The following SLC17A8 variants were observed in gnomAD, a reference collection of about 807,000 sequenced individuals.
SLC17A8 encodes solute carrier family 17 member 8.
SLC17A8 carries 31 observed loss-of-function variants against 58.0 expected under a neutral mutation model. The observed-to-expected ratio is 0.53, with a 90% CI of 0.40 to 0.72. SLC17A8 has a LOEUF of 0.72. Ranked by LOEUF, SLC17A8 falls within the 30% of genes least tolerant of loss-of-function variation. SLC17A8 has a pLI of 0.00. For synonymous variants in SLC17A8, 228 were observed against 249.0 expected, an observed-to-expected ratio of 0.92 and a Z score of 0.79; for missense variants, 655 against 727.8, an observed-to-expected ratio of 0.90 and a Z score of 1.15.
intron 2 of SLC17A8, among the ~76,000 whole-genome samples, chr12:100,382,731 C>T (rs1952646358): frequency 6.6e-6 from 1 of 152,152 alleles, no homozygotes; most frequent in Non-Finnish European, 1.5e-5. Context: ...ACGTGGTAGG[C>T]AATATTTTCT....
chr12:100,374,907 C>T (rs1211026066), intron 1 of SLC17A8, among the ~76,000 whole-genome samples: 1 of 152,038 alleles, frequency 6.6e-6, no homozygotes, highest in Non-Finnish European at 1.5e-5. Context: ...CTGTGAGGGG[C>T]TGGCTTCAGG....
In SLC17A8 at chr12:100,403,975, G is replaced by A. The variant is rs1952808860; in HGVS notation, c.1054-63G>A. 4.4e-6 allele frequency: 7 copies of A among 1,601,030 alleles called. No homozygotes were observed. In the South Asian group the frequency reaches 7.7e-5, roughly 18 times the overall value. On this transcript the variant is annotated intron_variant, in intron 8 of 11. Transcript: ENST00000323346. ...GGCTGTGGAGTGGAGGTGGGCAAGGGAATTAGGGAGGCCCCTCTCTCAGAA... is the reference window on the plus strand; with the variant it reads ...GGCTGTGGAGTGGAGGTGGGCAAGGAAATTAGGGAGGCCCCTCTCTCAGAA...
chr12:100,396,459 T>A lies in SLC17A8; in HGVS notation c.676+42T>A, dbSNP rs959393397. Reference sequence around the variant, plus strand: ...CGTAACAAATTTTATTTATGAATGCTTTTTTTGGGTTCATGCAGTGGCTCA... The same window carrying A: ...CGTAACAAATTTTATTTATGAATGCATTTTTTGGGTTCATGCAGTGGCTCA... On this transcript the variant is annotated intron_variant, in intron 5 of 11. Transcript: ENST00000323346. The A allele has an allele frequency of 5.9e-6, 9 of 1,519,248 alleles. No homozygotes were observed. In the Admixed American group the frequency reaches 8.5e-5, roughly 14 times the overall value. 94.1% of individuals were successfully genotyped at this position (1,519,248 alleles called of 1,614,324 possible). A position where few individuals can be genotyped will look rare whatever the true frequency, so the allele number is the denominator to read the frequency against.
chr12:100,366,707 T>A (rs1952523090), intron 1 of SLC17A8, among the ~76,000 whole-genome samples: 1 of 152,216 alleles, frequency 6.6e-6, no homozygotes, highest in African/African-American at 2.4e-5. Flanking sequence ...CAAGAGAGTG[T>A]GACTTTCCAC....
chr12:100,372,768 T>C (rs920199053), intron 1 of SLC17A8, among the ~76,000 whole-genome samples: 8 of 152,188 alleles, frequency 5.3e-5, no homozygotes, highest in African/African-American at 1.7e-4. Context: ...TCTCTCTATA[T>C]TGCCCATGCT....
chr12:100,407,585 T>C (rs1173350257), intron 9 of SLC17A8, among the ~76,000 whole-genome samples: 1 of 147,382 alleles, frequency 6.8e-6, no homozygotes, highest in Non-Finnish European at 1.5e-5. Context: ...TATATATATA[T>C]ATTTTTTTTG....
chr12:100,370,294 TA>T (rs1952550221), intron 1 of SLC17A8, among the ~76,000 whole-genome samples: 1 of 151,860 alleles, frequency 6.6e-6, no homozygotes, highest in Admixed American at 6.6e-5. Context: ...ATTTATTTTT[TA>T]TTTTTTATTT....
intron 6 of SLC17A8, 24 bp downstream of exon 6, chr12:100,401,887 TCACATGTGAC>T: frequency 3.8e-6 from 6 of 1,562,274 alleles, no homozygotes; most frequent in Non-Finnish European, 5.3e-6. Context: ...CTTCACAAGT[TCACATGTGAC>T]TCATAGAGAT....
rs549203678 is a variant in SLC17A8, at chr12:100,363,507, C to T, written c.101+6015C>T. Among the ~76,000 whole-genome samples, 28 of 152,148 alleles carry T rather than the reference C, an allele frequency of 1.8e-4. No individual in the cohort carries two copies. In the South Asian group the frequency reaches 2.9e-3, roughly 16 times the overall value. On this transcript the variant is annotated intron_variant, in intron 1 of 11. Transcript: ENST00000323346. Reference sequence around the variant, plus strand: ...CTCAGCCTCCTGAATAGTGGGATTACGGGCACCCACCACCATGCCCGGCTA... The same window carrying T: ...CTCAGCCTCCTGAATAGTGGGATTATGGGCACCCACCACCATGCCCGGCTA...
rs1251393151 is a variant in SLC17A8, at chr12:100,391,006, A to G, written c.360A>G (p.Ala120=). 1.2e-6 allele frequency: 2 copies of G among 1,606,636 alleles called. No individual in the cohort carries two copies. The highest frequency in any genetic ancestry group is 2.7e-5 in the African/African-American group (2 of 74,760). ...YVDGKPEIQT[A]QFNWDPETVG... is the part of the protein sequence containing the mutation. ...ATCTGATTTCTCATTTCCAGACAGC[A>G]CAGTTTAACTGGGATCCAGAAACAG... Residue 120 remains alanine, a synonymous_variant, in exon 3 of 12, where the codon GCA becomes GCG. Coordinates refer to ENST00000323346, the MANE Select transcript of SLC17A8 (RefSeq NM_139319.3).
chr12:100,415,728 C>A (rs35811428), intron 10 of SLC17A8, among the ~76,000 whole-genome samples: 5 of 152,090 alleles, frequency 3.3e-5, no homozygotes, highest in African/African-American at 1.2e-4. Flanking sequence ...CCACACCTGG[C>A]CTTCTTGCCA....
chr12:100,419,770 T>C (rs751312107), intron 11 of SLC17A8, 45 bp from the exon 12 acceptor site: 97 of 1,582,210 alleles, frequency 6.1e-5, no homozygotes, highest in Non-Finnish European at 8.2e-5. Flanking sequence ...TGGTAATCTC[T>C]AGTTTTAGTT....
intron 1 of SLC17A8, among the ~76,000 whole-genome samples, chr12:100,369,933 G>A (rs1952547260): frequency 6.6e-6 from 1 of 152,216 alleles, no homozygotes; most frequent in African/African-American, 2.4e-5. Flanking sequence ...CTATGGAAGT[G>A]ACAATAGGGA....
intron 9 of SLC17A8, among the ~76,000 whole-genome samples, chr12:100,407,533 C>T (rs1471553804): frequency 6.6e-6 from 1 of 151,954 alleles, no homozygotes; most frequent in Non-Finnish European, 1.5e-5. Context: ...GCCTCATCTC[C>T]CATCTTTAAA....
intron 1 of SLC17A8, among the ~76,000 whole-genome samples, chr12:100,370,752 C>T (rs1017507262): frequency 2.0e-5 from 3 of 152,028 alleles, no homozygotes; most frequent in Non-Finnish European, 4.4e-5. Flanking sequence ...TAGAGACTAT[C>T]TTTTTTTCCT....
rs759081653 is a variant in SLC17A8, at chr12:100,402,464, C to T, written c.888C>T (p.Asn296=). The stretch of plus-strand genomic sequence containing the variant: ...AGACAAGCATAGGAGAGGGGGCCAA[C>T]GTGGTTAGTCTAAGTGTAAGTATAA... ...YIETSIGEGA[N]VVSLSKFSTP... Residue 296 remains asparagine, a synonymous_variant, in exon 7 of 12, where the codon AAC becomes AAT. Transcript: ENST00000323346. The T allele has an allele frequency of 8.1e-6, 13 of 1,613,872 alleles. No individual in the cohort carries two copies. The South Asian group carries it at 9.9e-5, about 12-fold the overall frequency.
intron 3 of SLC17A8, among the ~76,000 whole-genome samples, chr12:100,392,000 C>A (rs1952720061): frequency 6.6e-6 from 1 of 152,084 alleles, no homozygotes; most frequent in Non-Finnish European, 1.5e-5. Context: ...ACAGAGTGAG[C>A]TGTCTCAAGA....
chr12:100,375,503 A>C lies in SLC17A8; in HGVS notation c.102-5198A>C, dbSNP rs533048003. Among the ~76,000 whole-genome samples the C allele has an allele frequency of 8.8e-4, 134 of 152,318 alleles. 1 individual carries two copies. The highest frequency in any genetic ancestry group is 1.4e-3 in the Non-Finnish European group (93 of 68,028). ...GCCTCTGGCAGGAAAGAACGGCCTC[A>C]CATCCCTGCGGTGCTCAGTTCTTGG... On this transcript the variant is annotated intron_variant, in intron 1 of 11. Transcript: ENST00000323346.
intron 1 of SLC17A8, among the ~76,000 whole-genome samples, chr12:100,379,578 TTTAA>T (rs1183750884): frequency 6.6e-6 from 1 of 152,098 alleles, no homozygotes; most frequent in African/African-American, 2.4e-5. Flanking sequence ...ACTTGCAAGC[TTTAA>T]TTATTTTTAA....
Sources: gnomAD v4.1 joint callset for allele counts (sites outside exome capture counted in the v4.1 genomes callset) on GRCh38, gnomAD v4.1.1 for gene constraint, MANE v1.5 for transcripts, NCBI Gene and HGNC (gene_info 2026-07-23, HGNC 2026-07-21) for gene names.